Variants in TXLNB observed in about 807,000 individuals in gnomAD.
TXLNB encodes taxilin beta, also known as beta-taxilin.
Under a neutral mutation model 57.4 loss-of-function variants are expected in TXLNB, and 37 were observed. The ratio of observed to expected loss-of-function variants is 0.64; its 90% CI spans 0.50 to 0.85. TXLNB has a LOEUF of 0.85. Ranked by LOEUF, TXLNB falls within the 40% of genes least tolerant of loss-of-function variation. The pLI is 0.00. For missense variants in TXLNB, 848 were observed against 825.6 expected, an observed-to-expected ratio of 1.03 and a Z score of -0.33; for synonymous variants, 302 against 309.6, an observed-to-expected ratio of 0.98 and a Z score of 0.26.
the TXLNB span, among the ~76,000 whole-genome samples, chr6:139,171,632 C>G: frequency 6.6e-6 from 1 of 151,926 alleles, no homozygotes; most frequent in Non-Finnish European, 1.5e-5. Context: ...TTTCTTTTTT[C>G]TTTCTTTTTT....
chr6:139,202,189 A>G, the TXLNB span, among the ~76,000 whole-genome samples: 6 of 152,212 alleles, frequency 3.9e-5, no homozygotes, highest in Non-Finnish European at 5.9e-5. Context: ...GTGGTTGTAC[A>G]TTCTTTTCTA....
At chr6:139,267,732 G>T (rs1469710073) in intron 4 of TXLNB, among the ~76,000 whole-genome samples, 2 of 152,182 alleles carry the variant, frequency 1.3e-5, no homozygotes, top group African/African-American at 4.8e-5. Flanking sequence ...TATCTTGAAA[G>T]AATGCACTTT....
chr6:139,265,180 C>A (rs1402189283), intron 4 of TXLNB, among the ~76,000 whole-genome samples: 1 of 152,134 alleles, frequency 6.6e-6, no homozygotes, highest in Non-Finnish European at 1.5e-5. Flanking sequence ...GTAGCTTGGA[C>A]TAGATCATTC....
intron 9 of TXLNB, among the ~76,000 whole-genome samples, chr6:139,243,868 C>T (rs1452770558): frequency 3.9e-5 from 6 of 152,184 alleles, no homozygotes; most frequent in African/African-American, 1.4e-4. Context: ...TACTAATTCA[C>T]GATGCTGGCT....
chr6:139,311,026 G>A, the TXLNB span, among the ~76,000 whole-genome samples: 1 of 152,208 alleles, frequency 6.6e-6, no homozygotes. Flanking sequence ...AATTGCTATT[G>A]TGTTTATGTA....
rs982246842 is a variant in TXLNB, at chr6:139,282,769, G to A, written c.424+5707C>T. 2.7e-5 allele frequency among the ~76,000 whole-genome samples: 4 copies of A among 145,588 alleles called. 1 individual carries two copies. Among genetic ancestry groups the A allele is most frequent in the African/African-American group, 7.6e-5 (3 of 39,524 alleles). ...TTCTGTACCACTTTGGTCCTGCGAT[G>A]TCAGTGACACAAAGTCCATCCCTTG... On this transcript the variant is annotated intron_variant, in intron 2 of 9. Coordinates refer to ENST00000358430, the MANE Select transcript of TXLNB (RefSeq NM_153235.4).
the TXLNB span, among the ~76,000 whole-genome samples, chr6:139,164,048 T>TCACACACACA: frequency 7.0e-6 from 1 of 142,756 alleles, no homozygotes; most frequent in East Asian, 1.9e-4. Flanking sequence ...GCATGGACTC[T>TCACACACACA]CACACACACA....
At chr6:139,172,429 C>T in the TXLNB span, among the ~76,000 whole-genome samples, 1 of 152,194 alleles carries the variant, frequency 6.6e-6, no homozygotes, top group Non-Finnish European at 1.5e-5. Flanking sequence ...ACTCACTGCC[C>T]TCCCCGGACC....
the TXLNB span, among the ~76,000 whole-genome samples, chr6:139,220,532 A>C: frequency 1.3e-5 from 2 of 152,192 alleles, no homozygotes; most frequent in African/African-American, 4.8e-5. Flanking sequence ...GATACAAAGT[A>C]GCTCCTCGGA....
At position 139,242,630 on chromosome 6, in the gene TXLNB, T is replaced by C. The variant is rs61753939; in HGVS notation, c.1951A>G (p.Ser651Gly). 386 of 1,603,728 alleles carry C rather than the reference T, an allele frequency of 2.4e-4. No individual in the cohort carries two copies. The African/African-American group carries it at 4.5e-3, about 19-fold the overall frequency. The change falls in exon 10 of 10, where the codon AGT (serine) becomes GGT (glycine). Residue 651 changes from serine (S) to glycine (G), a missense_variant. Coordinates refer to ENST00000358430, the MANE Select transcript of TXLNB (RefSeq NM_153235.4). ...GCTGCTGCTCGTGGGGGCTGCCTAC[T>C]GGGCTCGCATGCAGGCACCATGGCT... ...VAAMVPACEPSRQPPRAAAEE... is the reference protein window; with the variant it reads ...VAAMVPACEPGRQPPRAAAEE...
At chr6:139,246,390 T>C (rs547734496) in intron 8 of TXLNB, among the ~76,000 whole-genome samples, 45 of 152,286 alleles carry the variant, frequency 3.0e-4, no homozygotes, top group Admixed American at 1.4e-3. Context: ...TAAGAGGATG[T>C]TTTCTACACC....
In TXLNB at chr6:139,264,504, A is replaced by G. The variant is rs575323863; in HGVS notation, c.688-1731T>C. Reference sequence around the variant, plus strand: ...GTCAAACAAACAATCATAACCGCCAATCCTGGCCCAAAAGATGTAATCTTG... The same window carrying G: ...GTCAAACAAACAATCATAACCGCCAGTCCTGGCCCAAAAGATGTAATCTTG... On this transcript the variant is annotated intron_variant, in intron 4 of 9. Coordinates refer to ENST00000358430, the MANE Select transcript of TXLNB (RefSeq NM_153235.4). Among the ~76,000 whole-genome samples, 3 of 152,246 alleles carry G rather than the reference A, an allele frequency of 2.0e-5. No homozygotes were observed. The East Asian group carries it at 5.8e-4, about 29-fold the overall frequency.
At chr6:139,211,904 T>C in the TXLNB span, among the ~76,000 whole-genome samples, 1 of 152,010 alleles carries the variant, frequency 6.6e-6, no homozygotes. Context: ...ATGAATAAAA[T>C]GAACTGTGAA....
chr6:139,210,487 A>G, the TXLNB span, among the ~76,000 whole-genome samples: 2 of 152,234 alleles, frequency 1.3e-5, no homozygotes, highest in African/African-American at 4.8e-5. Context: ...ACAAGTAGAT[A>G]AAGAAAATGT....
At chr6:139,215,964 T>G in the TXLNB span, among the ~76,000 whole-genome samples, 215 of 151,592 alleles carry the variant, frequency 1.4e-3, 2 homozygotes, top group African/African-American at 4.9e-3. Context: ...CATTAAAAAA[T>G]CAGGAAACAA....
chr6:139,192,703 C>T, the TXLNB span, among the ~76,000 whole-genome samples: 3 of 151,570 alleles, frequency 2.0e-5, no homozygotes, highest in Non-Finnish European at 4.4e-5. Flanking sequence ...CCAGCACTTT[C>T]GGAGGCCGAG....
At chr6:139,216,678 C>T in the TXLNB span, among the ~76,000 whole-genome samples, 1 of 152,176 alleles carries the variant, frequency 6.6e-6, no homozygotes, top group African/African-American at 2.4e-5. Context: ...TGGAATACTA[C>T]TCAGCCATAA....
the TXLNB span, among the ~76,000 whole-genome samples, chr6:139,226,302 C>CAAAAAA: frequency 4.6e-4 from 18 of 39,228 alleles, 1 homozygote; most frequent in East Asian, 2.8e-3. Flanking sequence ...GACCCTGTCT[C>CAAAAAA]AAAAAAAAAA....
the TXLNB span, among the ~76,000 whole-genome samples, chr6:139,229,210 T>C: frequency 1.3e-5 from 2 of 152,238 alleles, no homozygotes; most frequent in African/African-American, 2.4e-5. Context: ...CAATACCATA[T>C]TGACAGTTTC....
Sources: allele counts gnomAD v4.1 joint callset (sites outside exome capture counted in the v4.1 genomes callset), GRCh38; gene constraint gnomAD v4.1.1; transcripts MANE v1.5; gene names NCBI Gene and HGNC (gene_info 2026-07-23, HGNC 2026-07-21).